COL4A5: variants seen among roughly 807,000 people sequenced by gnomAD.
The protein encoded by COL4A5 is collagen type IV alpha 5 chain.
Under a neutral mutation model 130.2 loss-of-function variants are expected in COL4A5, and 26 were observed. That is an observed-to-expected ratio of 0.20 (90% CI 0.15 to 0.28). COL4A5 has a LOEUF of 0.28. Among genes scored for constraint, COL4A5 ranks in the 10% least tolerant of loss-of-function variants. The pLI is 1.00. For missense variants in COL4A5, 1,131 were observed against 1,344.3 expected, an observed-to-expected ratio of 0.84 and a Z score of 2.48; for synonymous variants, 496 against 439.6, an observed-to-expected ratio of 1.13 and a Z score of -1.60.
At chrX:108,621,018 T>TTTC (rs2067031816) in intron 31 of COL4A5, among the ~76,000 whole-genome samples, 1 of 110,359 alleles carries the variant, frequency 9.1e-6, no homozygotes, top group African/African-American at 3.3e-5. Flanking sequence ...CTCTCCCTTT[T>TTTC]TTTCTTTCTT....
chrX:108,598,703 G>A lies in COL4A5; in HGVS notation c.1781G>A (p.Gly594Asp). ...TGTATTAAACTTTTCCCTTTTTAGGGTGGAATTACTTTTAAGGGTGAAAGA... is the reference window on the plus strand; with the variant it reads ...TGTATTAAACTTTTCCCTTTTTAGGATGGAATTACTTTTAAGGGTGAAAGA... ...PGLPGPKGEP[G>D]GITFKGERGP... Residue 594 changes from glycine to aspartate, a missense_variant and splice_region_variant, in exon 25 of 53, where the codon GGT becomes GAT. Transcript: ENST00000328300. 1 of 1,208,856 alleles carries A rather than the reference G, an allele frequency of 8.3e-7. No homozygotes were observed. The highest frequency in any genetic ancestry group is 3.0e-5 in the East Asian group (1 of 33,805).
At chrX:108,549,527 T>G (rs1385244168) in intron 2 of COL4A5, among the ~76,000 whole-genome samples, 3 of 111,726 alleles carry the variant, frequency 2.7e-5, no homozygotes, top group Non-Finnish European at 5.7e-5. Flanking sequence ...CAAGGAAAAT[T>G]AGAAAATGAT....
chrX:108,620,521 A>C (rs2067020591), intron 31 of COL4A5, 95 bp downstream of exon 31: 2 of 731,945 alleles, frequency 2.7e-6, no homozygotes, highest in Admixed American at 2.7e-5. Context: ...TTCTAGATTG[A>C]CGTGATCCCT....
chrX:108,621,908 T>A lies in COL4A5; in HGVS notation c.2767+16T>A. 2 of 1,114,990 alleles carry A rather than the reference T, an allele frequency of 1.8e-6. No individual in the cohort carries two copies. Among genetic ancestry groups the A allele is most frequent in the Non-Finnish European group, 2.5e-6 (2 of 808,095 alleles). 91.9% of individuals were successfully genotyped at this position (1,114,990 alleles called of 1,213,427 possible). On this transcript the variant is annotated intron_variant, in intron 32 of 52. Coordinates refer to ENST00000328300, the MANE Select transcript of COL4A5 (RefSeq NM_033380.3). ...GGTCTTAAAGGTAATAATCAAGGTTTGCTGCCAGACGTATGTGAGAGGGAA... is the reference window on the plus strand; with the variant it reads ...GGTCTTAAAGGTAATAATCAAGGTTAGCTGCCAGACGTATGTGAGAGGGAA...
intron 1 of COL4A5, among the ~76,000 whole-genome samples, chrX:108,462,171 A>G (rs1408569746): frequency 4.5e-5 from 5 of 111,164 alleles, no homozygotes; most frequent in African/African-American, 1.6e-4. Context: ...AAATTGAAGG[A>G]GGAAAAAAGA....
At position 108,687,523 on chromosome X, in the gene COL4A5, C is replaced by A. The variant is rs1481737163; in HGVS notation, c.4357C>A (p.Gln1453Lys). ...LDGPPGPDGL[Q>K]GPPGPPGTSS... ...TGGTCCCCCTGGTCCAGATGGATTG[C>A]AAGGTCCCCCAGGTCCCCCTGGAAC... The change falls in exon 49 of 53, where the codon CAA becomes AAA. Residue 1453 changes from glutamine to lysine, a missense_variant. Coordinates refer to ENST00000328300, the MANE Select transcript of COL4A5 (RefSeq NM_033380.3). The A allele has an allele frequency of 1.1e-5, 13 of 1,209,505 alleles. No individual in the cohort carries two copies. The highest frequency in any genetic ancestry group is 1.3e-5 in the Non-Finnish European group (12 of 895,090).
At chrX:108,542,587 T>C (rs1291732266) in intron 2 of COL4A5, among the ~76,000 whole-genome samples, 1 of 109,986 alleles carries the variant, frequency 9.1e-6, no homozygotes, top group East Asian at 2.9e-4. Flanking sequence ...TGTGTCTTTA[T>C]AGCAGCATGA....
At position 108,597,438 on chromosome X, in the gene COL4A5, T is replaced by C; in HGVS notation, c.1649T>C (p.Ile550Thr). Reference sequence around the variant, plus strand: ...GGATCTAAAGGTGAACCTGGTGATATCCTCACTTTTCCAGGAATGAAGGGT... The same window carrying C: ...GGATCTAAAGGTGAACCTGGTGATACCCTCACTTTTCCAGGAATGAAGGGT... ...FPGSKGEPGDILTFPGMKGDK... is the reference protein window; with the variant it reads ...FPGSKGEPGDTLTFPGMKGDK... The change falls in exon 24 of 53, where the codon ATC (isoleucine) becomes ACC (threonine). Residue 550 changes from isoleucine (I) to threonine (T), a missense_variant. By Grantham distance (89) the Ile-to-Thr change is moderately conservative. Transcript: ENST00000328300. 1 of 1,210,855 alleles carries C rather than the reference T, an allele frequency of 8.3e-7. No individual in the cohort carries two copies. Among genetic ancestry groups the C allele is most frequent in the Non-Finnish European group, 1.1e-6 (1 of 895,102 alleles).
chrX:108,528,455 G>A (rs781224072), intron 1 of COL4A5, among the ~76,000 whole-genome samples: 185 of 112,250 alleles, frequency 1.6e-3, no homozygotes, highest in African/African-American at 5.8e-3. Context: ...AAGGACACAA[G>A]AAATATGAAA....
chrX:108,543,736 A>G (rs1172593420), intron 2 of COL4A5, among the ~76,000 whole-genome samples: 15 of 112,119 alleles, frequency 1.3e-4, no homozygotes, highest in Admixed American at 1.1e-3. Context: ...CTTCCTATCC[A>G]TGAGCATGGA....
At chrX:108,581,117 A>G in intron 16 of COL4A5, 90 bp downstream of exon 16, 1 of 743,004 alleles carries the variant, frequency 1.3e-6, no homozygotes, top group Non-Finnish European at 2.1e-6. Flanking sequence ...TATGACAAAA[A>G]TTGTGGGGTC....
intron 1 of COL4A5, among the ~76,000 whole-genome samples, chrX:108,466,631 G>C (rs913080263): frequency 1.8e-5 from 2 of 110,288 alleles, no homozygotes; most frequent in Admixed American, 9.7e-5. Flanking sequence ...TTAAGGTCTT[G>C]CTCTGTTGCC....
intron 1 of COL4A5, among the ~76,000 whole-genome samples, chrX:108,492,095 A>C (rs2064998330): frequency 9.0e-6 from 1 of 111,508 alleles, no homozygotes; most frequent in Admixed American, 9.6e-5. Context: ...GGCTATGTGG[A>C]TGCTCAGAAA....
intron 36 of COL4A5, among the ~76,000 whole-genome samples, chrX:108,629,033 T>C (rs775737922): frequency 8.9e-6 from 1 of 112,039 alleles, no homozygotes; most frequent in African/African-American, 3.2e-5. Context: ...AATAGGTTAC[T>C]AAGGGAAAGT....
intron 1 of COL4A5, among the ~76,000 whole-genome samples, chrX:108,455,742 T>C (rs2064578407): frequency 9.0e-6 from 1 of 111,721 alleles, no homozygotes; most frequent in Admixed American, 9.5e-5. Context: ...AAAAATTCCT[T>C]TTTTTTTCAT....
At chrX:108,624,189 G>A (rs771041208) in intron 33 of COL4A5, 47 bp from the exon 34 acceptor site, 2 of 1,055,042 alleles carry the variant, frequency 1.9e-6, no homozygotes, top group East Asian at 6.1e-5. Flanking sequence ...TTATTTCATG[G>A]ATGAATAATA....
intron 2 of COL4A5, among the ~76,000 whole-genome samples, chrX:108,543,589 A>G (rs1245636689): frequency 9.0e-6 from 1 of 111,319 alleles, no homozygotes; most frequent in Non-Finnish European, 1.9e-5. Flanking sequence ...TTGGCGATGC[A>G]GGCTCTTTTT....
intron 19 of COL4A5, among the ~76,000 whole-genome samples, chrX:108,587,337 T>C (rs1258028562): frequency 1.0e-5 from 1 of 95,775 alleles, no homozygotes; most frequent in East Asian, 3.5e-4. Context: ...TTTTTTTTTT[T>C]AACCTCCTAC....
At chrX:108,605,643 A>G (rs922131954) in intron 28 of COL4A5, among the ~76,000 whole-genome samples, 1 of 112,245 alleles carries the variant, frequency 8.9e-6, no homozygotes, top group African/African-American at 3.2e-5. Flanking sequence ...CATACCTTCA[A>G]TTTGTAAAAA....
Sources: gnomAD v4.1 joint callset for allele counts (sites outside exome capture counted in the v4.1 genomes callset) on GRCh38, gnomAD v4.1.1 for gene constraint, MANE v1.5 for transcripts, NCBI Gene and HGNC (gene_info 2026-07-23, HGNC 2026-07-21) for gene names.